The following G3BP1 variants were observed in gnomAD, a reference collection of about 807,000 sequenced individuals.
The protein encoded by G3BP1 is ras GTPase-activating protein-binding protein 1.
Under a neutral mutation model 58.6 loss-of-function variants are expected in G3BP1, and 35 were observed. The ratio of observed to expected loss-of-function variants is 0.60; its 90% confidence interval spans 0.46 to 0.79. The LOEUF (loss-of-function observed/expected upper bound fraction) is 0.79. Ranked by LOEUF, G3BP1 falls within the 30% of genes least tolerant of loss-of-function variation. G3BP1 has a pLI of 0.00. For missense variants in G3BP1, 523 were observed against 580.8 expected (o/e 0.90, Z 1.02); for synonymous variants, 191 against 195.4 (o/e 0.98, Z 0.19).
intron 1 of G3BP1, among the ~76,000 whole-genome samples, chr5:151,783,168 A>G (rs546572277): frequency 1.1e-4 from 17 of 152,090 alleles, no homozygotes; most frequent in African/African-American, 4.1e-4. Context: ...TTCTGTGACT[A>G]ATCTGTTTAA....
At chr5:151,803,212 T>TA (rs1457173461) in intron 11 of G3BP1, among the ~76,000 whole-genome samples, 1 of 152,248 alleles carries the variant, frequency 6.6e-6, no homozygotes, top group African/African-American at 2.4e-5. Flanking sequence ...TTTGCATAAA[T>TA]ATGTACAGTA....
rs1763006867 is a variant in G3BP1, at chr5:151,810,701, C to CT, written c.*6612dup. 6.6e-6 allele frequency: 1 copy of CT among 152,194 alleles called. No homozygotes were observed. The highest frequency in any genetic ancestry group is 6.5e-5 in the Admixed American group (1 of 15,272). 9.4% of individuals were successfully genotyped at this position (152,194 alleles called of 1,614,324 possible). A position where few individuals can be genotyped will look rare whatever the true frequency, so the allele number is the denominator to read the frequency against. ...TCATAACTAGAGTCTTTAGATGAAA[C>CT]TTACTGAGTTGAATAACTTAATATA... On this transcript the variant is annotated 3_prime_UTR_variant, in exon 12 of 12. Coordinates refer to ENST00000356245, the MANE Select transcript of G3BP1 (RefSeq NM_005754.3).
chr5:151,779,026 C>T (rs931414335), intron 1 of G3BP1, among the ~76,000 whole-genome samples: 5 of 151,180 alleles, frequency 3.3e-5, no homozygotes, highest in African/African-American at 7.3e-5. Flanking sequence ...CCAGCCTGGG[C>T]GACAGTGGAA....
chr5:151,774,034 T>C (rs1284895322), intron 1 of G3BP1, among the ~76,000 whole-genome samples: 1 of 152,226 alleles, frequency 6.6e-6, no homozygotes, highest in East Asian at 1.9e-4. Context: ...CGTGATTATT[T>C]CACAAACTGG....
chr5:151,782,104 T>C (rs1762480814), intron 1 of G3BP1, among the ~76,000 whole-genome samples: 1 of 152,184 alleles, frequency 6.6e-6, no homozygotes, highest in Non-Finnish European at 1.5e-5. Flanking sequence ...GTTTTCTTCT[T>C]TATAGTTAAT....
chr5:151,782,123 T>C (rs1762481037), intron 1 of G3BP1, among the ~76,000 whole-genome samples: 1 of 152,214 alleles, frequency 6.6e-6, no homozygotes, highest in Non-Finnish European at 1.5e-5. Flanking sequence ...ATAATTTTGA[T>C]ACTGATAGTA....
At chr5:151,796,945 G>GT (rs1291867411) in intron 6 of G3BP1, among the ~76,000 whole-genome samples, 2 of 120,696 alleles carry the variant, frequency 1.7e-5, no homozygotes, top group African/African-American at 6.4e-5. Flanking sequence ...TAAATGAATT[G>GT]TAATAGTTGT....
rs1762828073 is a variant in G3BP1, at chr5:151,800,211, T to G, written c.956-7T>G. On this transcript the variant is annotated splice_region_variant and splice_polypyrimidine_tract_variant and intron_variant, in intron 9 of 11. Coordinates refer to ENST00000356245, the MANE Select transcript of G3BP1 (RefSeq NM_005754.3). ...GTCTTTCATTGATGTTTTTGTCTCC[T>G]TTTAAGTCCGTGAGGCTGGTGAGCA... The G allele has an allele frequency of 6.2e-7, 1 of 1,611,710 alleles. No individual in the cohort carries two copies. Among genetic ancestry groups the G allele is most frequent in the African/African-American group, 1.3e-5 (1 of 74,838 alleles).
intron 1 of G3BP1, among the ~76,000 whole-genome samples, chr5:151,776,237 T>C (rs1205542880): frequency 6.6e-6 from 1 of 152,212 alleles, no homozygotes; most frequent in Non-Finnish European, 1.5e-5. Context: ...ATTACCCTTA[T>C]CACATCAGAT....
intron 1 of G3BP1, among the ~76,000 whole-genome samples, chr5:151,784,871 A>G (rs553657235): frequency 2.0e-5 from 3 of 152,328 alleles, no homozygotes; most frequent in African/African-American, 7.2e-5. Flanking sequence ...AACTGTTTAT[A>G]GTGTAAATGG....
At chr5:151,802,900 T>C (rs1762877464) in intron 11 of G3BP1, among the ~76,000 whole-genome samples, 1 of 152,118 alleles carries the variant, frequency 6.6e-6, no homozygotes, top group South Asian at 2.1e-4. Flanking sequence ...GCCACTGCAC[T>C]CCAGCCTGGG....
chr5:151,795,357 T>G, intron 5 of G3BP1, 122 bp from the exon 6 acceptor site: 1 of 606,246 alleles, frequency 1.6e-6, no homozygotes, highest in East Asian at 2.8e-5. Flanking sequence ...TTTTACCAAA[T>G]TGTCCTACTT....
chr5:151,780,524 G>T (rs916679112), intron 1 of G3BP1, among the ~76,000 whole-genome samples: 1 of 151,994 alleles, frequency 6.6e-6, no homozygotes, highest in Admixed American at 6.6e-5. Context: ...CCCCTCCGCC[G>T]CTAGCTGATG....
chr5:151,788,378 C>G (rs953989172), intron 2 of G3BP1, among the ~76,000 whole-genome samples: 3 of 151,684 alleles, frequency 2.0e-5, no homozygotes, highest in Admixed American at 1.3e-4. Flanking sequence ...AGTGATAAAA[C>G]AAGTCTCAAA....
rs1161323528 is a variant in G3BP1 at position 151,811,475 on chromosome 5, AATT to A, written c.*7387_*7389del. ...CATATAAAGTTGGTTAAATAGTAAT[AATT>A]ATGAGTTAACCACAGAAAATTTCAG... On this transcript the variant is annotated 3_prime_UTR_variant, in exon 12 of 12. Transcript: ENST00000356245. The A allele has an allele frequency of 6.6e-6, 1 of 152,240 alleles. No individual in the cohort carries two copies. Among genetic ancestry groups the A allele is most frequent in the African/African-American group, 2.4e-5 (1 of 41,464 alleles). 9.4% of individuals were successfully genotyped at this position (152,240 alleles called of 1,614,324 possible). A position where few individuals can be genotyped will look rare whatever the true frequency, so the allele number is the denominator to read the frequency against.
chr5:151,785,517 GT>G (rs1762541754), intron 1 of G3BP1, among the ~76,000 whole-genome samples: 1 of 152,094 alleles, frequency 6.6e-6, no homozygotes, highest in Admixed American at 6.5e-5. Flanking sequence ...TTGCCTGTAT[GT>G]TTAAGTTTGG....
intron 5 of G3BP1, among the ~76,000 whole-genome samples, chr5:151,794,652 T>C (rs1312943889): frequency 1.3e-5 from 2 of 152,234 alleles, no homozygotes; most frequent in Admixed American, 1.3e-4. Context: ...CTCTTTGTGC[T>C]GGAGGGAGAT....
chr5:151,802,871 T>G (rs1762876934), intron 11 of G3BP1, among the ~76,000 whole-genome samples: 1 of 152,152 alleles, frequency 6.6e-6, no homozygotes, highest in Non-Finnish European at 1.5e-5. Flanking sequence ...AGGCGGAGCT[T>G]GCAGTGAGCC....
chr5:151,788,486 C>A (rs1314333491), intron 2 of G3BP1, among the ~76,000 whole-genome samples: 2 of 150,376 alleles, frequency 1.3e-5, no homozygotes, highest in Non-Finnish European at 3.0e-5. Context: ...ACAGCCTTGA[C>A]CTCCAGGGCT....
Sources: allele counts gnomAD v4.1 joint callset (sites outside exome capture counted in the v4.1 genomes callset), GRCh38; gene constraint gnomAD v4.1.1; transcripts MANE v1.5; gene names NCBI Gene and HGNC (gene_info 2026-07-23, HGNC 2026-07-21).